SHBG: variants seen among roughly 807,000 people sequenced by gnomAD.
SHBG encodes the protein sex hormone-binding globulin.
A neutral mutation model predicts 41.9 loss-of-function variants in SHBG; 37 were observed. That is an observed-to-expected ratio of 0.88 (90% confidence interval 0.68 to 1.16). The LOEUF is 1.16. Among genes scored for constraint, SHBG ranks in the 50% most tolerant of loss-of-function variants. SHBG has a pLI of 0.00. For synonymous variants in SHBG, 217 were observed against 205.8 expected (o/e 1.05, Z -0.47); for missense variants, 466 against 499.9 (o/e 0.93, Z 0.65).
chr17:7,629,542 A>G (rs2072333175), upstream of SHBG, among the ~76,000 whole-genome samples: 1 of 152,158 alleles, frequency 6.6e-6, no homozygotes, highest in Non-Finnish European at 1.5e-5. Flanking sequence ...ACACACAGAC[A>G]ATACCTTCTT....
At chr17:7,627,024 C>T, upstream of SHBG, 4 of 1,613,966 alleles carry the variant, frequency 2.5e-6, no homozygotes, top group Non-Finnish European at 3.4e-6. This position sits in a 1 kb window ranked among gnomAD's most constrained non-coding sequence, Gnocchi z 4.8. Flanking sequence ...TAGTATATCC[C>T]ATAGCCCACC....
intron 7 of SHBG, 56 bp from the exon 8 acceptor site, chr17:7,633,148 T>C: frequency 6.2e-7 from 1 of 1,603,024 alleles, no homozygotes; most frequent in Admixed American, 1.7e-5. Flanking sequence ...GGGAGAAGAT[T>C]CTGGATCCGA....
chr17:7,628,602 T>C (rs1050306320), upstream of SHBG, among the ~76,000 whole-genome samples: 7 of 151,878 alleles, frequency 4.6e-5, no homozygotes, highest in African/African-American at 7.3e-5. Context: ...TGGGCAACCA[T>C]ACCTGGCTAA....
At chr17:7,627,023 C>T (rs1444599789), upstream of SHBG, 2 of 1,613,910 alleles carry the variant, frequency 1.2e-6, no homozygotes, top group Admixed American at 1.7e-5. The surrounding 1 kb of genome is among the most constrained non-coding windows in gnomAD (Gnocchi z 4.8). Context: ...ATAGTATATC[C>T]CATAGCCCAC....
chr17:7,628,387 C>G (rs1014969874), upstream of SHBG, among the ~76,000 whole-genome samples: 2 of 151,840 alleles, frequency 1.3e-5, no homozygotes, highest in South Asian at 4.2e-4. Context: ...TCTCAGCCTC[C>G]GGAGTAGCTG....
At chr17:7,622,020 T>G (rs1395771001) in intron 1 of SHBG, among the ~76,000 whole-genome samples, 1 of 149,424 alleles carries the variant, frequency 6.7e-6, no homozygotes. Context: ...TTTTTTTTTG[T>G]ATTTAGTAGA....
chr17:7,628,104 G>A (rs1205293148), upstream of SHBG: 4 of 463,802 alleles, frequency 8.6e-6, no homozygotes, highest in African/African-American at 6.0e-5. Context: ...GACATATGCA[G>A]TGATAACCTG....
upstream of SHBG, among the ~76,000 whole-genome samples, chr17:7,624,303 G>A (rs1038962348): frequency 5.3e-5 from 8 of 151,250 alleles, no homozygotes; most frequent in South Asian, 2.1e-4. Context: ...GCTGGAGTGC[G>A]GTGGCACAAT....
chr17:7,618,724 T>C (rs2072036900), intron 1 of SHBG, among the ~76,000 whole-genome samples: 1 of 151,926 alleles, frequency 6.6e-6, no homozygotes, highest in South Asian at 2.1e-4. Context: ...AGAGTAAACA[T>C]AGAAAGAGGA....
At position 7,631,648 on chromosome 17, in the gene SHBG, G is replaced by T; in HGVS notation, c.615G>T (p.Glu205Asp). ...ATTCCTGGCTGGACAAACAGGCCGA[G>T]ATCTCAGCATCTGCCCCCACTAGCC... Reference protein sequence around the residue: ...RRDSWLDKQAEISASAPTSLR... With the variant: ...RRDSWLDKQADISASAPTSLR... The change falls in exon 5 of 8, where the codon GAG becomes GAT. Residue 205 changes from glutamate (E) to aspartate (D), a missense_variant. Transcript: ENST00000380450. 1.2e-6 allele frequency: 2 copies of T among 1,614,158 alleles called. No homozygotes were observed. Among genetic ancestry groups the T allele is most frequent in the Non-Finnish European group, 1.7e-6 (2 of 1,180,034 alleles).
rs1403859185 is a variant in SHBG, at chr17:7,631,346, C to A, written c.540C>A (p.Ser180=). The A allele has an allele frequency of 1.2e-6, 2 of 1,613,274 alleles. No individual in the cohort carries two copies. The highest frequency in any genetic ancestry group is 3.3e-5 in the Admixed American group (2 of 59,986). ...TTGGGGGGCTGCTCTTCCCCGCTTCCAACCTTCGGTTGCCGGTAACTACAC... is the reference window on the plus strand; with the variant it reads ...TTGGGGGGCTGCTCTTCCCCGCTTCAAACCTTCGGTTGCCGGTAACTACAC... ...IALGGLLFPA[S]NLRLPLVPAL... is the part of the protein sequence containing the mutation. Residue 180 remains serine, a synonymous_variant, in exon 4 of 8, where the codon TCC becomes TCA. Coordinates refer to ENST00000380450, the MANE Select transcript of SHBG (RefSeq NM_001040.5).
At chr17:7,614,192 G>A in intron 1 of SHBG, 1 of 671,656 alleles carries the variant, frequency 1.5e-6, no homozygotes, top group Non-Finnish European at 2.7e-6. Flanking sequence ...GGAGCGCCAA[G>A]CCAGGGACAA....
At chr17:7,614,617 C>T in intron 1 of SHBG, 1 of 829,742 alleles carries the variant, frequency 1.2e-6, no homozygotes, top group African/African-American at 1.8e-5. Flanking sequence ...GGCGTCTCCC[C>T]GGAGGAGGAG....
In SHBG at chr17:7,632,913, C is replaced by A; in HGVS notation, c.1014C>A (p.Asn338Lys). ...CCTTAGGCCTGGCTCCCCTCCTTAA[C>A]CTCTGGGCCAAGCCTCAAGGGCGTC... ...LPPLGLAPLL[N>K]LWAKPQGRLF... Residue 338 changes from asparagine (N) to lysine (K), a missense_variant, in exon 7 of 8, where the codon AAC (asparagine) becomes AAA (lysine). Coordinates refer to ENST00000380450, the MANE Select transcript of SHBG (RefSeq NM_001040.5). 1 of 1,614,176 alleles carries A rather than the reference C, an allele frequency of 6.2e-7. No homozygotes were observed.
At chr17:7,627,170 T>C, upstream of SHBG, 1 of 1,614,068 alleles carries the variant, frequency 6.2e-7, no homozygotes, top group South Asian at 1.1e-5. This position sits in a 1 kb window ranked among gnomAD's most constrained non-coding sequence, Gnocchi z 4.8. Flanking sequence ...GCTGGAAGAA[T>C]CTCTGCTACC....
rs1261558512 is a variant in SHBG at position 7,630,155 on chromosome 17, A to G, written c.-18A>G. On this transcript the variant is annotated 5_prime_UTR_variant, in exon 1 of 8. Coordinates refer to ENST00000380450, the MANE Select transcript of SHBG (RefSeq NM_001040.5). The surrounding 1 kb of genome is among the most constrained non-coding windows in gnomAD (Gnocchi z 4.6). ...CTCCCAAGAGTTGTCTGAGCCGCCG[A>G]GTGGACAGTGGCTGATTATGGAGAG... 1 of 1,601,496 alleles carries G rather than the reference A, an allele frequency of 6.2e-7. No homozygotes were observed. Among genetic ancestry groups the G allele is most frequent in the Non-Finnish European group, 8.6e-7 (1 of 1,168,618 alleles).
chr17:7,630,981 C>T lies in SHBG; in HGVS notation c.393+112C>T, dbSNP rs1379140547. 9.4e-6 allele frequency: 10 copies of T among 1,058,858 alleles called. No homozygotes were observed. Among genetic ancestry groups the T allele is most frequent in the South Asian group, 4.2e-5 (3 of 71,854 alleles). 65.6% of individuals were successfully genotyped at this position (1,058,858 alleles called of 1,614,324 possible). ...CCACTGTCATCTCGTTTAATCCACA[C>T]GAACCCCCACAAAGTAGCTATTCTT... On this transcript the variant is annotated intron_variant, in intron 3 of 7. Transcript: ENST00000380450. This position sits in a 1 kb window ranked among gnomAD's most constrained non-coding sequence, Gnocchi z 4.6.
At chr17:7,620,844 TG>T (rs934532102) in intron 1 of SHBG, among the ~76,000 whole-genome samples, 29 of 151,920 alleles carry the variant, frequency 1.9e-4, no homozygotes, top group Admixed American at 3.3e-4. Context: ...GTAGTCAGGC[TG>T]GTCGCGAACT....
rs574831444 is a variant in SHBG at position 7,631,923 on chromosome 17, C to T, written c.760C>T (p.Leu254=). Reference sequence around the variant, plus strand: ...AGAGCCCTGGGCCTTCTCTTTGGACCTGGGACTCAAGCAGGCAGCAGGCTC... The same window carrying T: ...AGAGCCCTGGGCCTTCTCTTTGGACTTGGGACTCAAGCAGGCAGCAGGCTC... ...HAEPWAFSLD[L]GLKQAAGSGH... Residue 254 remains leucine (L), a synonymous_variant, in exon 6 of 8, where the codon CTG becomes TTG. Coordinates refer to ENST00000380450, the MANE Select transcript of SHBG (RefSeq NM_001040.5). 1.2e-5 allele frequency: 20 copies of T among 1,614,054 alleles called. No homozygotes were observed. In the South Asian group the frequency reaches 2.2e-4, roughly 18 times the overall value.
Sources: allele counts gnomAD v4.1 joint callset (sites outside exome capture counted in the v4.1 genomes callset), GRCh38; gene constraint gnomAD v4.1.1; non-coding constraint Gnocchi (gnomAD v3.1); transcripts MANE v1.5; gene names NCBI Gene and HGNC (gene_info 2026-07-23, HGNC 2026-07-21).